The following ERAP1 variants were observed in gnomAD, a reference collection of about 807,000 sequenced individuals.
ERAP1 encodes the protein endoplasmic reticulum aminopeptidase 1.
A neutral mutation model predicts 103.7 loss-of-function variants in ERAP1; 86 were observed. That is an observed-to-expected ratio of 0.83 (90% confidence interval 0.70 to 0.99). The LOEUF is 0.99. Among genes scored for constraint, ERAP1 ranks in the 50% least tolerant of loss-of-function variants. The pLI is 0.00. For missense variants in ERAP1, 1,009 were observed against 1,128.4 expected (o/e 0.89, Z 1.52); for synonymous variants, 398 against 402.4 (o/e 0.99, Z 0.13).
chr5:96,910,453 G>GA, the ERAP1 span, among the ~76,000 whole-genome samples: 12,380 of 139,906 alleles, frequency 0.088, 598 homozygotes, highest in Middle Eastern at 0.17. Context: ...ATCAGTTTTA[G>GA]AAAAAAAAAA....
At chr5:96,909,015 T>C in the ERAP1 span, 79,788 of 1,614,024 alleles carry the variant, frequency 0.049, 2,305 homozygotes, top group Middle Eastern at 0.097. Flanking sequence ...ACCTCCAACA[T>C]GAAACAAGCA....
the ERAP1 span, among the ~76,000 whole-genome samples, chr5:96,932,929 C>T: frequency 6.6e-6 from 1 of 152,078 alleles, no homozygotes; most frequent in Non-Finnish European, 1.5e-5. Context: ...ACATTATCTC[C>T]TTTGATAATG....
the ERAP1 span, chr5:96,900,021 A>G: frequency 1.5e-6 from 2 of 1,358,614 alleles, no homozygotes; most frequent in African/African-American, 2.9e-5. Flanking sequence ...GAATTATTTC[A>G]TATAGCTCTT....
At chr5:96,852,320 C>G in the ERAP1 span, among the ~76,000 whole-genome samples, 1 of 152,172 alleles carries the variant, frequency 6.6e-6, no homozygotes. Context: ...GTGTCTCCAA[C>G]CTCTCCCATC....
the ERAP1 span, chr5:96,909,210 T>C: frequency 1.6e-6 from 2 of 1,272,910 alleles, no homozygotes; most frequent in Non-Finnish European, 2.2e-6. Flanking sequence ...TCCTTGAGGT[T>C]AAATCTGGAG....
the ERAP1 span, chr5:96,909,098 A>G: frequency 2.4e-5 from 38 of 1,614,124 alleles, no homozygotes; most frequent in East Asian, 4.2e-4. Flanking sequence ...AATATTTCAG[A>G]TATCTCTGAA....
At chr5:96,914,254 G>T in the ERAP1 span, among the ~76,000 whole-genome samples, 4 of 152,100 alleles carry the variant, frequency 2.6e-5, no homozygotes, top group Non-Finnish European at 5.9e-5. Context: ...TCTTGAATCA[G>T]AGAGGTATGA....
chr5:96,857,740 T>C, the ERAP1 span, among the ~76,000 whole-genome samples: 3 of 152,198 alleles, frequency 2.0e-5, no homozygotes, highest in Non-Finnish European at 2.9e-5. Context: ...GATAGAACCA[T>C]AGCCATCATA....
chr5:96,882,626 G>GT, the ERAP1 span, among the ~76,000 whole-genome samples: 12 of 152,158 alleles, frequency 7.9e-5, no homozygotes, highest in African/African-American at 2.2e-4. Context: ...AAAGATTCAG[G>GT]TTTTTTTGTT....
the ERAP1 span, chr5:96,934,536 G>C: frequency 6.6e-6 from 1 of 152,242 alleles, no homozygotes; most frequent in African/African-American, 2.4e-5. Flanking sequence ...AGTTAGGCAA[G>C]GAGTTTCATT....
chr5:96,881,550 T>C, the ERAP1 span: 1 of 453,056 alleles, frequency 2.2e-6, no homozygotes, highest in Non-Finnish European at 4.4e-6. Flanking sequence ...TGGAGAAATC[T>C]AAATTCCATG....
At chr5:96,771,379 C>T (rs1344235841), downstream of ERAP1, among the ~76,000 whole-genome samples, 3 of 151,968 alleles carry the variant, frequency 2.0e-5, no homozygotes, top group East Asian at 5.8e-4. Context: ...AACACCTATG[C>T]ATATTTTATA....
At chr5:96,917,609 G>A in the ERAP1 span, 16 of 1,599,396 alleles carry the variant, frequency 1.0e-5, no homozygotes, top group Non-Finnish European at 1.3e-5. Flanking sequence ...TACTTAAATG[G>A]TCAATAGAAA....
chr5:96,915,677 T>G, the ERAP1 span: 1 of 1,504,010 alleles, frequency 6.6e-7, no homozygotes, highest in Non-Finnish European at 8.9e-7. Flanking sequence ...GGTGTTTCTT[T>G]TTATTTTCAG....
At chr5:96,783,813 A>G in intron 14 of ERAP1, 111 bp downstream of exon 14, 1 of 964,088 alleles carries the variant, frequency 1.0e-6, no homozygotes, top group South Asian at 1.6e-5. Context: ...ATATGTATAT[A>G]AAGATACACA....
the ERAP1 span, among the ~76,000 whole-genome samples, chr5:96,842,432 C>T: frequency 2.0e-5 from 3 of 152,178 alleles, no homozygotes; most frequent in Non-Finnish European, 4.4e-5. Flanking sequence ...ATTTTCACCA[C>T]ATCCATGCCA....
chr5:96,903,322 T>C, the ERAP1 span: 1 of 1,333,136 alleles, frequency 7.5e-7, no homozygotes, highest in African/African-American at 1.5e-5. Context: ...GTTCTGGAGA[T>C]GTTCTGAATA....
chr5:96,813,457 G>T, the ERAP1 span, among the ~76,000 whole-genome samples: 2 of 151,694 alleles, frequency 1.3e-5, no homozygotes, highest in Admixed American at 6.6e-5. Context: ...GATCGAGACC[G>T]TCCTGGCCAA....
chr5:96,885,280 G>T, the ERAP1 span, among the ~76,000 whole-genome samples: 1 of 152,110 alleles, frequency 6.6e-6, no homozygotes, highest in African/African-American at 2.4e-5. Context: ...TAATACCCCA[G>T]CTCTCAGCCC....
Sources: gnomAD v4.1 joint callset for allele counts (sites outside exome capture counted in the v4.1 genomes callset) on GRCh38, gnomAD v4.1.1 for gene constraint, MANE v1.5 for transcripts, NCBI Gene and HGNC (gene_info 2026-07-23, HGNC 2026-07-21) for gene names.